Variants in NXPE2 observed in about 807,000 individuals in gnomAD.
The protein encoded by NXPE2 is neurexophilin and PC-esterase domain family member 2.
NXPE2 carries 34 observed loss-of-function variants against 34.4 expected under a neutral mutation model. The observed-to-expected ratio is 0.99, with a 90% CI of 0.75 to 1.31. The LOEUF (loss-of-function observed/expected upper bound fraction) is 1.31. Ranked by LOEUF, NXPE2 falls within the 40% of genes most tolerant of loss-of-function variation. NXPE2 has a pLI of 0.00. For synonymous variants in NXPE2, 235 were observed against 231.3 expected (o/e 1.02, Z -0.15); for missense variants, 649 against 672.5 (o/e 0.97, Z 0.39).
the NXPE2 span, among the ~76,000 whole-genome samples, chr11:114,498,504 T>C: frequency 2.6e-5 from 4 of 152,054 alleles, no homozygotes; most frequent in Non-Finnish European, 5.9e-5. Flanking sequence ...TTACATTGGC[T>C]ATAACTTACA....
the NXPE2 span, among the ~76,000 whole-genome samples, chr11:114,629,022 A>G: frequency 6.6e-6 from 1 of 152,206 alleles, no homozygotes; most frequent in Non-Finnish European, 1.5e-5. Flanking sequence ...AAATTGTGGC[A>G]ATAATCAATA....
At chr11:114,684,296 G>A (rs1951003197) in intron 2 of NXPE2, among the ~76,000 whole-genome samples, 1 of 151,904 alleles carries the variant, frequency 6.6e-6, no homozygotes, top group South Asian at 2.1e-4. Flanking sequence ...GCGTGGTGGT[G>A]GGCGCCTGTA....
the NXPE2 span, chr11:114,571,377 C>A: frequency 6.2e-7 from 1 of 1,613,938 alleles, no homozygotes; most frequent in Non-Finnish European, 8.5e-7. Context: ...CAAGGGATAA[C>A]AATATTTTTG....
downstream of NXPE2, among the ~76,000 whole-genome samples, chr11:114,711,099 G>A (rs370123247): frequency 7.9e-5 from 12 of 151,894 alleles, no homozygotes; most frequent in Admixed American, 3.3e-4. Context: ...ATCTCAACAC[G>A]ATAAAAGCCA....
chr11:114,612,012 C>T, the NXPE2 span, among the ~76,000 whole-genome samples: 1 of 151,892 alleles, frequency 6.6e-6, no homozygotes, highest in Non-Finnish European at 1.5e-5. Context: ...AGTCATGCCT[C>T]ATGGGTAACC....
At chr11:114,772,456 C>A in the NXPE2 span, among the ~76,000 whole-genome samples, 1 of 152,002 alleles carries the variant, frequency 6.6e-6, no homozygotes, top group Non-Finnish European at 1.5e-5. Context: ...GGGTGATAGG[C>A]AACGTTTTCA....
the NXPE2 span, among the ~76,000 whole-genome samples, chr11:114,473,991 G>A: frequency 6.6e-6 from 1 of 151,896 alleles, no homozygotes; most frequent in African/African-American, 2.4e-5. Flanking sequence ...AAGGATGGGG[G>A]CGAGAAAGAG....
At chr11:114,624,510 A>G in the NXPE2 span, among the ~76,000 whole-genome samples, 1 of 151,712 alleles carries the variant, frequency 6.6e-6, no homozygotes, top group Non-Finnish European at 1.5e-5. Context: ...TGCCCACTGG[A>G]TAATAATTAT....
the NXPE2 span, among the ~76,000 whole-genome samples, chr11:114,744,982 C>T: frequency 1.3e-5 from 2 of 151,986 alleles, no homozygotes; most frequent in African/African-American, 4.8e-5. Flanking sequence ...AAAACATTAA[C>T]AGAAACTGTG....
At chr11:114,548,732 C>T in the NXPE2 span, among the ~76,000 whole-genome samples, 5 of 150,628 alleles carry the variant, frequency 3.3e-5, no homozygotes, top group Admixed American at 6.6e-5. Context: ...AATTAAACAC[C>T]CAGTTAAAAA....
At chr11:114,537,694 G>T in the NXPE2 span, among the ~76,000 whole-genome samples, 6 of 152,088 alleles carry the variant, frequency 3.9e-5, no homozygotes, top group African/African-American at 4.8e-5. Flanking sequence ...GCTTCAAAGA[G>T]AATAAAATAC....
chr11:114,678,140 C>A (rs200794092), upstream of NXPE2, among the ~76,000 whole-genome samples: 6 of 152,188 alleles, frequency 3.9e-5, no homozygotes, highest in East Asian at 1.2e-3. Context: ...ATTCTCAGGC[C>A]TTCAGGAACC....
At chr11:114,739,995 C>T in the NXPE2 span, among the ~76,000 whole-genome samples, 1 of 151,976 alleles carries the variant, frequency 6.6e-6, no homozygotes, top group Non-Finnish European at 1.5e-5. Context: ...GTTCCAAGAT[C>T]CCCAGTGGAT....
rs1049563246 is a variant in NXPE2, at chr11:114,678,603, T to C, written c.26+2T>C. The C allele has an allele frequency of 3.2e-6, 5 of 1,548,012 alleles. No homozygotes were observed. The African/African-American group carries it at 5.5e-5, about 17-fold the overall frequency. On this transcript the variant is annotated splice_donor_variant, in intron 1 of 5. Transcript: ENST00000389586. LOFTEE classifies it high-confidence loss of function. ...GGTGGAGAAAATACTCATCCATAGGTGTGGTACTTTCCAACTCTTACTGCC... is the reference window on the plus strand; with the variant it reads ...GGTGGAGAAAATACTCATCCATAGGCGTGGTACTTTCCAACTCTTACTGCC...
At chr11:114,485,383 CTTT>C in the NXPE2 span, among the ~76,000 whole-genome samples, 68 of 89,208 alleles carry the variant, frequency 7.6e-4, no homozygotes, top group East Asian at 3.0e-3. Flanking sequence ...TAATTTTTGT[CTTT>C]TTTTTTTTTT....
At chr11:114,469,726 C>T in the NXPE2 span, among the ~76,000 whole-genome samples, 1 of 151,986 alleles carries the variant, frequency 6.6e-6, no homozygotes, top group Middle Eastern at 3.2e-3. Context: ...CTCCTGACCT[C>T]GTGATTCGCC....
In NXPE2 at chr11:114,706,592, A is replaced by T. The variant is rs756895643; in HGVS notation, c.1342A>T (p.Ile448Phe). ...VAGDKNTAIV[I>F]TLGQHFRPFP... ...AGGAGACAAAAACACAGCCATTGTC[A>T]TTACCCTCGGCCAACACTTCAGACC... The change falls in exon 6 of 6, where the codon ATT becomes TTT. Residue 448 changes from isoleucine to phenylalanine, a missense_variant. Physicochemically the swap from Ile to Phe is conservative, Grantham distance 21. Coordinates refer to ENST00000389586, the MANE Select transcript of NXPE2 (RefSeq NM_182495.6). 5 of 1,551,922 alleles carry T rather than the reference A, an allele frequency of 3.2e-6. No homozygotes were observed. The highest frequency in any genetic ancestry group is 4.4e-6 in the Non-Finnish European group (5 of 1,147,000).
chr11:114,564,470 T>G, the NXPE2 span, among the ~76,000 whole-genome samples: 2 of 152,184 alleles, frequency 1.3e-5, no homozygotes, highest in Admixed American at 6.6e-5. Context: ...GTAAGATACA[T>G]TCCCTGCCCT....
the NXPE2 span, among the ~76,000 whole-genome samples, chr11:114,667,285 G>A: frequency 1.3e-5 from 2 of 152,016 alleles, no homozygotes; most frequent in African/African-American, 2.4e-5. Context: ...GTAACAGAGT[G>A]AATTTTAAAA....
Sources: allele counts gnomAD v4.1 joint callset (sites outside exome capture counted in the v4.1 genomes callset), GRCh38; gene constraint gnomAD v4.1.1; transcripts MANE v1.5; gene names NCBI Gene and HGNC (gene_info 2026-07-23, HGNC 2026-07-21).